Variants in DLG2 observed in about 807,000 individuals in gnomAD.
DLG2 encodes the protein discs large MAGUK scaffold protein 2, also known as disks large homolog 2.
Under a neutral mutation model 132.5 loss-of-function variants are expected in DLG2, and 45 were observed. That is an observed-to-expected ratio of 0.34 (90% CI 0.27 to 0.44). The LOEUF (loss-of-function observed/expected upper bound fraction) is 0.44, where lower values mean the gene tolerates loss of function less well. DLG2 is among the 20% of genes least tolerant of loss of function. The pLI, the probability that DLG2 is intolerant of heterozygous loss-of-function variation, is 1.00. For synonymous variants in DLG2, 424 were observed against 419.6 expected (o/e 1.01, Z -0.13); for missense variants, 1,045 against 1,196.9 (o/e 0.87, Z 1.87).
At chr11:84,806,655 C>G (rs2076033625) in intron 6 of DLG2, among the ~76,000 whole-genome samples, 1 of 151,980 alleles carries the variant, frequency 6.6e-6, no homozygotes, top group Non-Finnish European at 1.5e-5. Context: ...GAATTTGTCA[C>G]CAGAGGACCT....
chr11:85,415,494 T>C (rs1330809707), intron 3 of DLG2, among the ~76,000 whole-genome samples: 1 of 152,192 alleles, frequency 6.6e-6, no homozygotes, highest in African/African-American at 2.4e-5. Flanking sequence ...AAAGCATTCC[T>C]ATTTCTCCAC....
intron 9 of DLG2, among the ~76,000 whole-genome samples, chr11:84,128,206 G>A (rs188544945): frequency 2.0e-5 from 3 of 152,108 alleles, no homozygotes; most frequent in Admixed American, 6.6e-5. Flanking sequence ...TGAGATGTTA[G>A]ACCAGTAGCT....
At chr11:84,235,957 T>G (rs577130582) in intron 8 of DLG2, among the ~76,000 whole-genome samples, 1 of 152,268 alleles carries the variant, frequency 6.6e-6, no homozygotes, top group Non-Finnish European at 1.5e-5. Flanking sequence ...TAGAGTATGG[T>G]TCAGTAATAG....
chr11:84,596,178 C>T (rs1027133262), intron 6 of DLG2, among the ~76,000 whole-genome samples: 15 of 147,724 alleles, frequency 1.0e-4, no homozygotes, highest in Non-Finnish European at 1.0e-4. Context: ...AATTTCTTTC[C>T]TTCTTTTCTC....
chr11:85,400,696 A>G (rs933774203), intron 3 of DLG2, among the ~76,000 whole-genome samples: 12 of 145,504 alleles, frequency 8.2e-5, no homozygotes, highest in Admixed American at 7.0e-5. Flanking sequence ...AAAACCAAAC[A>G]CCGCATGTTC....
At chr11:84,043,002 T>G (rs182558907) in intron 11 of DLG2, among the ~76,000 whole-genome samples, 119 of 151,968 alleles carry the variant, frequency 7.8e-4, no homozygotes, top group Admixed American at 1.3e-3. Flanking sequence ...TCATTATATT[T>G]TTTAGTTGAC....
chr11:83,515,618 G>C (rs1411220000), intron 21 of DLG2, among the ~76,000 whole-genome samples: 1 of 151,960 alleles, frequency 6.6e-6, no homozygotes, highest in Non-Finnish European at 1.5e-5. Context: ...GTGATGTTAG[G>C]GTGTCAATTT....
chr11:83,997,413 A>T (rs768014537), intron 11 of DLG2, among the ~76,000 whole-genome samples: 1 of 152,100 alleles, frequency 6.6e-6, no homozygotes, highest in East Asian at 1.9e-4. Context: ...GTCAGCCTTT[A>T]ACTTGGCCTG....
chr11:85,062,873 A>G (rs2064317719), intron 6 of DLG2, among the ~76,000 whole-genome samples: 1 of 151,930 alleles, frequency 6.6e-6, no homozygotes, highest in South Asian at 2.1e-4. Context: ...TCAACATAAC[A>G]GAGAAATAAG....
intron 6 of DLG2, among the ~76,000 whole-genome samples, chr11:84,742,987 AT>A (rs1352930679): frequency 1.3e-5 from 2 of 152,178 alleles, no homozygotes; most frequent in Non-Finnish European, 2.9e-5. Flanking sequence ...CTTTCAAAAA[AT>A]ATATACTGAC....
chr11:84,762,719 T>C (rs1038713197), intron 6 of DLG2, among the ~76,000 whole-genome samples: 1 of 152,172 alleles, frequency 6.6e-6, no homozygotes, highest in Non-Finnish European at 1.5e-5. Context: ...CTAATATTTA[T>C]TGAATGTCCA....
intron 3 of DLG2, among the ~76,000 whole-genome samples, chr11:85,495,960 G>T (rs1010624101): frequency 1.3e-5 from 2 of 152,190 alleles, no homozygotes; most frequent in African/African-American, 4.8e-5. Context: ...GAAGAGCTCA[G>T]CTCTACAGCT....
intron 6 of DLG2, among the ~76,000 whole-genome samples, chr11:84,829,407 A>G (rs946594681): frequency 5.9e-5 from 9 of 151,754 alleles, no homozygotes; most frequent in Non-Finnish European, 1.0e-4. Flanking sequence ...TAATGAACAT[A>G]TTACATAGGT....
At chr11:84,478,321 C>A (rs1471915253) in intron 7 of DLG2, among the ~76,000 whole-genome samples, 1 of 152,066 alleles carries the variant, frequency 6.6e-6, no homozygotes, top group Non-Finnish European at 1.5e-5. Flanking sequence ...ATTTTTCTAT[C>A]CACATTGCTC....
At chr11:85,464,801 G>A (rs1174391848) in intron 3 of DLG2, among the ~76,000 whole-genome samples, 5 of 151,746 alleles carry the variant, frequency 3.3e-5, no homozygotes, top group African/African-American at 7.3e-5. Context: ...GAGGCCAGGC[G>A]CGGTGGCTCA....
At chr11:84,028,036 G>A (rs1319839872) in intron 11 of DLG2, among the ~76,000 whole-genome samples, 1 of 149,062 alleles carries the variant, frequency 6.7e-6, no homozygotes, top group African/African-American at 2.5e-5. Flanking sequence ...TATTAGTTCT[G>A]TTTACTTGTC....
At chr11:83,669,047 A>G (rs2076370854) in intron 18 of DLG2, among the ~76,000 whole-genome samples, 1 of 152,000 alleles carries the variant, frequency 6.6e-6, no homozygotes, top group African/African-American at 2.4e-5. Flanking sequence ...TGGCCCATCA[A>G]AATGCTCTAT....
intron 18 of DLG2, among the ~76,000 whole-genome samples, chr11:83,709,339 C>CAT (rs532012065): frequency 1.4e-5 from 2 of 145,468 alleles, no homozygotes; most frequent in Non-Finnish European, 3.0e-5. Flanking sequence ...ATTATATATA[C>CAT]ATATATATAA....
chr11:83,791,506 T>G (rs2041545330), intron 17 of DLG2: 1 of 634,490 alleles, frequency 1.6e-6, no homozygotes, highest in Admixed American at 2.3e-5. Flanking sequence ...TGTACTACCA[T>G]GAAATCAGTT....
Sources: gnomAD v4.1 joint callset for allele counts (sites outside exome capture counted in the v4.1 genomes callset) on GRCh38, gnomAD v4.1.1 for gene constraint, MANE v1.5 for transcripts, NCBI Gene and HGNC (gene_info 2026-07-23, HGNC 2026-07-21) for gene names.